The following CBX5 variants were observed in gnomAD, a reference collection of about 807,000 sequenced individuals.
CBX5 encodes the protein chromobox 5.
Under a neutral mutation model 20.7 loss-of-function variants are expected in CBX5, and 7 were observed. That is an observed-to-expected ratio of 0.34 (90% CI 0.19 to 0.63). The LOEUF (loss-of-function observed/expected upper bound fraction) is 0.63. CBX5 is among the 30% of genes least tolerant of loss of function. The pLI is 0.75. For missense variants in CBX5, 110 were observed against 224.1 expected, an observed-to-expected ratio of 0.49 and a Z score of 3.25; for synonymous variants, 78 against 77.0, an observed-to-expected ratio of 1.01 and a Z score of -0.07.
In CBX5 at chr12:54,238,918, CTTAACTA is replaced by C. The variant is rs1351809504; in HGVS notation, c.*2830_*2836del. ...CTTAGGTGTTTAAGAGTGCTTAGCT[CTTAACTA>C]TTAACTCTTCTGAGGGGAGAAAGCT... is the stretch of plus-strand genomic sequence containing the variant. On this transcript the variant is annotated 3_prime_UTR_variant, in exon 5 of 5. Transcript: ENST00000209875. The C allele has an allele frequency of 6.6e-6, 1 of 152,194 alleles. No homozygotes were observed. Among genetic ancestry groups the C allele is most frequent in the Non-Finnish European group, 1.5e-5 (1 of 68,036 alleles). 9.4% of individuals were successfully genotyped at this position (152,194 alleles called of 1,614,324 possible). A position where few individuals can be genotyped will look rare whatever the true frequency, so the allele number is the denominator to read the frequency against.
chr12:54,278,601 TA>T (rs1419580076), intron 1 of CBX5: 1 of 152,208 alleles, frequency 6.6e-6, no homozygotes, highest in East Asian at 1.9e-4. Context: ...AATAAAGCAG[TA>T]AGACTCTGAT....
chr12:54,233,457 G>C lies in CBX5; in HGVS notation c.*8298C>G, dbSNP rs554664803. Reference sequence around the variant, plus strand: ...CCAATCCTAAAGCTACCGGAAACCAGAACACTGACTTGAGCCTTAAGAGTG... The same window carrying C: ...CCAATCCTAAAGCTACCGGAAACCACAACACTGACTTGAGCCTTAAGAGTG... On this transcript the variant is annotated 3_prime_UTR_variant, in exon 5 of 5. Coordinates refer to ENST00000209875, the MANE Select transcript of CBX5 (RefSeq NM_012117.3). The C allele has an allele frequency of 6.6e-6, 1 of 152,294 alleles. No individual in the cohort carries two copies. Among genetic ancestry groups the C allele is most frequent in the East Asian group, 1.9e-4 (1 of 5,184 alleles). The allele number at this position is 152,294 out of a possible 1,614,324, so 9.4% of individuals were successfully genotyped here. A position where few individuals can be genotyped will look rare whatever the true frequency, so the allele number is the denominator to read the frequency against.
intron 1 of CBX5, among the ~76,000 whole-genome samples, chr12:54,270,139 A>G (rs1173876683): frequency 2.6e-5 from 4 of 151,228 alleles, no homozygotes; most frequent in Non-Finnish European, 4.4e-5. Context: ...TGCTTTTATC[A>G]TTACTATTTT....
intron 3 of CBX5, among the ~76,000 whole-genome samples, chr12:54,250,703 G>T (rs1469955136): frequency 2.7e-5 from 4 of 148,540 alleles, no homozygotes; most frequent in Non-Finnish European, 4.5e-5. Context: ...TACTCGGGAG[G>T]CTGAGGCAGG....
At chr12:54,264,262 C>G (rs143196418) in intron 1 of CBX5, among the ~76,000 whole-genome samples, 1 of 152,084 alleles carries the variant, frequency 6.6e-6, no homozygotes, top group Non-Finnish European at 1.5e-5. Context: ...CTCAAGCAAT[C>G]CTCTCACCTT....
chr12:54,266,541 T>C (rs1310560733), intron 1 of CBX5, among the ~76,000 whole-genome samples: 1 of 152,264 alleles, frequency 6.6e-6, no homozygotes, highest in South Asian at 2.1e-4. Context: ...TGAACAAACA[T>C]AGTGAGACCT....
chr12:54,257,498 G>A lies in CBX5; in HGVS notation c.137+16C>T, dbSNP rs763920311. The stretch of plus-strand genomic sequence containing the variant: ...CTCTACAGAGTCCCAACGCCTGGGG[G>A]AAAAAAGGAACTTACTCAGAAAAGC... On this transcript the variant is annotated intron_variant, in intron 2 of 4. Coordinates refer to ENST00000209875, the MANE Select transcript of CBX5 (RefSeq NM_012117.3). The A allele has an allele frequency of 5.6e-6, 9 of 1,613,638 alleles. No individual in the cohort carries two copies. Among genetic ancestry groups the A allele is most frequent in the Non-Finnish European group, 7.6e-6 (9 of 1,179,834 alleles).
intron 1 of CBX5, among the ~76,000 whole-genome samples, chr12:54,268,891 T>C (rs1485840927): frequency 6.6e-6 from 1 of 152,140 alleles, no homozygotes. Context: ...TAAACATCTG[T>C]TGTGGGAAAA....
chr12:54,242,342 G>A (rs931252064), intron 4 of CBX5, among the ~76,000 whole-genome samples: 10 of 151,702 alleles, frequency 6.6e-5, no homozygotes, highest in African/African-American at 1.9e-4. Flanking sequence ...TGGCTCACAC[G>A]GTGAAACCCC....
chr12:54,279,355 A>G (rs1334589087), intron 1 of CBX5, among the ~76,000 whole-genome samples: 1 of 152,046 alleles, frequency 6.6e-6, no homozygotes, highest in Non-Finnish European at 1.5e-5. Flanking sequence ...GGGGCGGGGG[A>G]AAAATGCTCA....
intron 4 of CBX5, among the ~76,000 whole-genome samples, chr12:54,242,329 T>A (rs189957153): frequency 6.6e-6 from 1 of 151,444 alleles, no homozygotes; most frequent in Non-Finnish European, 1.5e-5. Flanking sequence ...ATCGAGACCA[T>A]CCTGGCTCAC....
chr12:54,274,710 C>T (rs150075024), intron 1 of CBX5, among the ~76,000 whole-genome samples: 38 of 152,138 alleles, frequency 2.5e-4, no homozygotes, highest in African/African-American at 8.9e-4. Context: ...GAGGCCGAGG[C>T]GGTTGGATCA....
rs369916800 is a variant in CBX5, at chr12:54,235,483, C to T, written c.*6272G>A. 1 of 152,134 alleles carries T rather than the reference C, an allele frequency of 6.6e-6. No individual in the cohort carries two copies. Among genetic ancestry groups the T allele is most frequent in the Non-Finnish European group, 1.5e-5 (1 of 68,160 alleles). The allele number at this position is 152,134 out of a possible 1,614,324, so 9.4% of individuals were successfully genotyped here. ...CAAAAAATTAGCCGGGCGTGGTGGC[C>T]GGCGCCTGTAGTCCCAGCTCCTCGG... On this transcript the variant is annotated 3_prime_UTR_variant, in exon 5 of 5. Transcript: ENST00000209875.
chr12:54,242,254 G>C (rs185482672), intron 4 of CBX5, among the ~76,000 whole-genome samples: 1 of 152,032 alleles, frequency 6.6e-6, no homozygotes, highest in African/African-American at 2.4e-5. Context: ...GGCCGGGCAC[G>C]GTGGCTCACA....
chr12:54,257,760 G>T, intron 1 of CBX5, 68 bp from the exon 2 acceptor site: 1 of 1,142,742 alleles, frequency 8.8e-7, no homozygotes, highest in Non-Finnish European at 1.3e-6. Context: ...TTTTCTTGAT[G>T]GGATGAAAAG....
chr12:54,266,554 G>A (rs182348838), intron 1 of CBX5, among the ~76,000 whole-genome samples: 3 of 152,122 alleles, frequency 2.0e-5, no homozygotes, highest in Admixed American at 6.6e-5. Context: ...TGAGACCTCC[G>A]CAATATTTAA....
chr12:54,247,630 T>C (rs1263998063), intron 3 of CBX5, among the ~76,000 whole-genome samples: 1 of 152,164 alleles, frequency 6.6e-6, no homozygotes, highest in Non-Finnish European at 1.5e-5. Flanking sequence ...TTCAAATCCA[T>C]GTGTAGTAAC....
rs1592152264 is a variant in CBX5, at chr12:54,238,784, C to T, written c.*2971G>A. The T allele has an allele frequency of 6.6e-6, 1 of 152,204 alleles. No individual in the cohort carries two copies. The highest frequency in any genetic ancestry group is 2.4e-5 in the African/African-American group (1 of 41,438). 9.4% of individuals were successfully genotyped at this position (152,204 alleles called of 1,614,324 possible). ...GTAGCCTCTACTGGGCAAAGCTGTG[C>T]TATAACTCTGAAGAAAGGGAGATCT... On this transcript the variant is annotated 3_prime_UTR_variant, in exon 5 of 5. Transcript: ENST00000209875.
At chr12:54,268,837 GACA>G (rs749627001) in intron 1 of CBX5, among the ~76,000 whole-genome samples, 1 of 152,140 alleles carries the variant, frequency 6.6e-6, no homozygotes, top group Non-Finnish European at 1.5e-5. Context: ...GGTCAAATTG[GACA>G]ACTTCATTGA....
Sources: gnomAD v4.1 joint callset for allele counts (sites outside exome capture counted in the v4.1 genomes callset) on GRCh38, gnomAD v4.1.1 for gene constraint, MANE v1.5 for transcripts, NCBI Gene and HGNC (gene_info 2026-07-23, HGNC 2026-07-21) for gene names.